The following GRIN2D variants were observed in gnomAD, a reference collection of about 807,000 sequenced individuals.
The protein encoded by GRIN2D is glutamate ionotropic receptor NMDA type subunit 2D.
In GRIN2D, 37 loss-of-function variants were observed where a neutral mutation model predicts 103.2. The observed-to-expected ratio is 0.36, with a 90% CI of 0.28 to 0.47. GRIN2D has a LOEUF of 0.47. Ranked by LOEUF, GRIN2D falls within the 20% of genes least tolerant of loss-of-function variation. GRIN2D has a pLI of 1.00. For synonymous variants in GRIN2D, 845 were observed against 885.6 expected (o/e 0.95, Z 0.81); for missense variants, 1,557 against 1,910.6 (o/e 0.81, Z 3.45).
rs1231092898 is a variant in GRIN2D, at chr19:48,443,297, C to T, written c.3371C>T (p.Ala1124Val). Residue 1124 changes from alanine (A) to valine (V), a missense_variant, in exon 14 of 14, where the codon GCG (alanine) becomes GTG (valine). By Grantham distance (64) the Ala-to-Val change is moderately conservative (BLOSUM62 0). Coordinates refer to ENST00000263269, the MANE Select transcript of GRIN2D (RefSeq NM_000836.4). The surrounding 1 kb of genome is among the most constrained non-coding windows in gnomAD (Gnocchi z 8.9). ...GAGGACTCGGAGAGCCTGGGCGGCG[C>T]GTCGCTGGGCGGCCTGGAGCCCTGG... is the stretch of plus-strand genomic sequence containing the variant. ...DSEDSESLGGASLGGLEPWWF... is the reference protein window; with the variant it reads ...DSEDSESLGGVSLGGLEPWWF... The T allele has an allele frequency of 6.5e-7, 1 of 1,540,492 alleles. No individual in the cohort carries two copies. The highest frequency in any genetic ancestry group is 1.8e-4 in the Middle Eastern group (1 of 5,616).
chr19:48,426,428 C>T (rs1239608577), intron 11 of GRIN2D, among the ~76,000 whole-genome samples: 1 of 151,614 alleles, frequency 6.6e-6, no homozygotes, highest in Non-Finnish European at 1.5e-5. Flanking sequence ...GTTTCACCAT[C>T]TTGGCCAGAC....
chr19:48,427,093 G>T (rs1192039409), intron 11 of GRIN2D, among the ~76,000 whole-genome samples: 1 of 151,986 alleles, frequency 6.6e-6, no homozygotes, highest in South Asian at 2.1e-4. Flanking sequence ...GCTGAGGCAG[G>T]CAGGTCACTT....
chr19:48,401,341 A>T (rs1365656333), intron 3 of GRIN2D, among the ~76,000 whole-genome samples: 1 of 152,166 alleles, frequency 6.6e-6, no homozygotes, highest in Non-Finnish European at 1.5e-5. Flanking sequence ...AACCAGTAAC[A>T]GTAAAATCCG....
rs952955602 is a variant in GRIN2D, at chr19:48,394,316, A to T, written c.-305-342A>T. Among the ~76,000 whole-genome samples the T allele has an allele frequency of 1.6e-4, 24 of 150,620 alleles. No homozygotes were observed. The highest frequency in any genetic ancestry group is 5.9e-4 in the African/African-American group (24 of 40,874). On this transcript the variant is annotated intron_variant, in intron 1 of 13. Coordinates refer to ENST00000263269, the MANE Select transcript of GRIN2D (RefSeq NM_000836.4). The surrounding 1 kb of genome is among the most constrained non-coding windows in gnomAD (Gnocchi z 5.1). ...CCTGTGTTTGAGAGTGGGGGAGTCA[A>T]GGGGGGGTCTAGAGGTGGCCAAGCG... is the stretch of plus-strand genomic sequence containing the variant.
At chr19:48,428,089 T>A (rs1172590207) in intron 11 of GRIN2D, among the ~76,000 whole-genome samples, 1 of 143,654 alleles carries the variant, frequency 7.0e-6, no homozygotes, top group South Asian at 2.2e-4. Context: ...CAGGCTGGAG[T>A]GCAGTGACAT....
chr19:48,436,890 G>A lies in GRIN2D; in HGVS notation c.2253-4879G>A, dbSNP rs138346400. On this transcript the variant is annotated intron_variant, in intron 11 of 13. Coordinates refer to ENST00000263269, the MANE Select transcript of GRIN2D (RefSeq NM_000836.4). ...GCAGATGGGTAAGGAGGGATGGGGT[G>A]TCAGGTGGCACAGGGCCTCTAAACT... Among the ~76,000 whole-genome samples, 199 of 152,264 alleles carry A rather than the reference G, an allele frequency of 1.3e-3. 2 individuals carry two copies. Among genetic ancestry groups the A allele is most frequent in the African/African-American group, 4.2e-3 (176 of 41,542 alleles).
intron 11 of GRIN2D, among the ~76,000 whole-genome samples, chr19:48,426,232 T>C (rs1343806920): frequency 2.7e-5 from 4 of 145,710 alleles, no homozygotes; most frequent in African/African-American, 8.1e-5. Context: ...TTCTTTTTTT[T>C]TTTTTTTTTC....
In GRIN2D at chr19:48,398,379, G is replaced by T. The variant is rs1435370851; in HGVS notation, c.-14G>T. ...CCCGGGCGCTCAGAGGCCGCCCGGC[G>T]GGGCCCGCAGGCGATGCGCGGCGCC... On this transcript the variant is annotated 5_prime_UTR_variant, in exon 3 of 14. Transcript: ENST00000263269. 3.6e-5 allele frequency: 40 copies of T among 1,119,956 alleles called. No homozygotes were observed. The highest frequency in any genetic ancestry group is 4.3e-5 in the Non-Finnish European group (39 of 917,080). The allele number at this position is 1,119,956 out of a possible 1,614,324, so 69.4% of individuals were successfully genotyped here.
Position 48,414,774 on chromosome 19 carries a change from T to C in GRIN2D, c.1413-90T>C. The stretch of plus-strand genomic sequence containing the variant: ...TGAAAGCGCTAACCATAGTTTTAGC[T>C]GCCGCCTATCCCTTCCTCCATATCC... On this transcript the variant is annotated intron_variant, in intron 6 of 13. Transcript: ENST00000263269. The surrounding 1 kb of genome is among the most constrained non-coding windows in gnomAD (Gnocchi z 4.6). 1 of 1,434,748 alleles carries C rather than the reference T, an allele frequency of 7.0e-7. No individual in the cohort carries two copies. The highest frequency in any genetic ancestry group is 9.6e-7 in the Non-Finnish European group (1 of 1,046,526). 88.9% of individuals were successfully genotyped at this position (1,434,748 alleles called of 1,614,324 possible).
At chr19:48,406,101 A>AATTAGCTAGACGTCTATTCTG (rs1441822641) in intron 4 of GRIN2D, among the ~76,000 whole-genome samples, 1 of 152,150 alleles carries the variant, frequency 6.6e-6, no homozygotes, top group Non-Finnish European at 1.5e-5. Context: ...CGTCTATTGG[A>AATTAGCTAGACGTCTATTCTG]ATTAGCTAGA....
At chr19:48,401,565 G>C (rs1406770280) in intron 3 of GRIN2D, among the ~76,000 whole-genome samples, 1 of 152,204 alleles carries the variant, frequency 6.6e-6, no homozygotes, top group Non-Finnish European at 1.5e-5. Context: ...ATGTATTTGA[G>C]GAAGAGCAAG....
At chr19:48,418,902 T>C (rs1466026846) in intron 8 of GRIN2D, among the ~76,000 whole-genome samples, 1 of 151,994 alleles carries the variant, frequency 6.6e-6, no homozygotes, top group Non-Finnish European at 1.5e-5. Flanking sequence ...TCTTTGAGAA[T>C]GGCTGCCTCC....
chr19:48,443,398 C>T lies in GRIN2D; in HGVS notation c.3472C>T (p.Leu1158Phe). 1 of 1,430,470 alleles carries T rather than the reference C, an allele frequency of 7.0e-7. No homozygotes were observed. Among genetic ancestry groups the T allele is most frequent in the Middle Eastern group, 2.0e-4 (1 of 5,024 alleles). The allele number at this position is 1,430,470 out of a possible 1,614,324, so 88.6% of individuals were successfully genotyped here. A position where few individuals can be genotyped will look rare whatever the true frequency, so the allele number is the denominator to read the frequency against. The change falls in exon 14 of 14, where the codon CTC becomes TTC. Residue 1158 changes from leucine (L) to phenylalanine (F), a missense_variant. Leu to Phe is a conservative substitution (Grantham distance 22). Coordinates refer to ENST00000263269, the MANE Select transcript of GRIN2D (RefSeq NM_000836.4). The surrounding 1 kb of genome is among the most constrained non-coding windows in gnomAD (Gnocchi z 8.9). ...CGGCCGCTACTGGTCGGTCGACAAG[C>T]TCGGGGGCTGGCGCGCCGGGAGCTG... is the stretch of plus-strand genomic sequence containing the variant. ...PPGRYWSVDK[L>F]GGWRAGSWDY...
At chr19:48,435,501 G>T (rs760857720) in intron 11 of GRIN2D, among the ~76,000 whole-genome samples, 16 of 152,002 alleles carry the variant, frequency 1.1e-4, no homozygotes, top group Non-Finnish European at 2.1e-4. Flanking sequence ...TGTTGGCCAG[G>T]CTGGTCATGA....
intron 11 of GRIN2D, among the ~76,000 whole-genome samples, chr19:48,434,252 C>T (rs1434681119): frequency 1.3e-5 from 2 of 150,194 alleles, no homozygotes; most frequent in African/African-American, 2.5e-5. Context: ...GCCTGGCGGC[C>T]GCTTCTTCTA....
chr19:48,415,861 C>A (rs1013579709), intron 7 of GRIN2D, 141 bp from the exon 8 acceptor site: 1 of 717,616 alleles, frequency 1.4e-6, no homozygotes, highest in Non-Finnish European at 2.5e-6. Context: ...TCCCCCTCCT[C>A]ACCCACCTCG....
chr19:48,428,238 T>C (rs183936679), intron 11 of GRIN2D, among the ~76,000 whole-genome samples: 20 of 152,082 alleles, frequency 1.3e-4, no homozygotes, highest in Admixed American at 2.6e-4. Context: ...GTTTTTGCCA[T>C]GTTGGCCAGG....
At chr19:48,397,431 G>A (rs1285128531) in intron 2 of GRIN2D, among the ~76,000 whole-genome samples, 1 of 151,878 alleles carries the variant, frequency 6.6e-6, no homozygotes, top group Non-Finnish European at 1.5e-5. Flanking sequence ...TGGGGGTCCC[G>A]ATCTTGGCCT....
At chr19:48,415,862 A>AC (rs1970940934) in intron 7 of GRIN2D, 140 bp from the exon 8 acceptor site, 1 of 714,594 alleles carries the variant, frequency 1.4e-6, no homozygotes, top group Non-Finnish European at 2.5e-6. Context: ...CCCCCTCCTC[A>AC]CCCACCTCGC....
Sources: allele counts gnomAD v4.1 joint callset (sites outside exome capture counted in the v4.1 genomes callset), GRCh38; gene constraint gnomAD v4.1.1; non-coding constraint Gnocchi (gnomAD v3.1); transcripts MANE v1.5; gene names NCBI Gene and HGNC (gene_info 2026-07-23, HGNC 2026-07-21).